Variants in PTPRN2 observed in about 807,000 individuals in gnomAD.
PTPRN2 encodes protein tyrosine phosphatase receptor type N2.
PTPRN2 carries 74 observed loss-of-function variants against 118.8 expected under a neutral mutation model. The ratio of observed to expected loss-of-function variants is 0.62; its 90% CI spans 0.52 to 0.76. The LOEUF (loss-of-function observed/expected upper bound fraction) is 0.76, where lower values mean the gene tolerates loss of function less well. Among genes scored for constraint, PTPRN2 ranks in the 30% least tolerant of loss-of-function variants. PTPRN2 has a pLI of 0.00. For missense variants in PTPRN2, 1,481 were observed against 1,394.4 expected, an observed-to-expected ratio of 1.06 and a Z score of -0.99; for synonymous variants, 641 against 608.0, an observed-to-expected ratio of 1.05 and a Z score of -0.80.
At chr7:157,957,006 G>C (rs1341592874) in intron 11 of PTPRN2, among the ~76,000 whole-genome samples, 3 of 152,224 alleles carry the variant, frequency 2.0e-5, no homozygotes, top group East Asian at 1.9e-4. Flanking sequence ...GAGTAAGAAG[G>C]AAAAGGGAAG....
rs377455509 is a variant in PTPRN2 at position 158,163,755 on chromosome 7, G to T, written c.910+3176C>A. Among the ~76,000 whole-genome samples the T allele has an allele frequency of 8.0e-5, 12 of 150,818 alleles. No homozygotes were observed. In the East Asian group the frequency reaches 1.4e-3, roughly 17 times the overall value. On this transcript the variant is annotated intron_variant, in intron 6 of 22. Transcript: ENST00000389418. ...ACCGGGTTCTCAATTCTATTTCATAGGTGACGCCTGTACGGGGTTCTCAAT... is the reference window on the plus strand; with the variant it reads ...ACCGGGTTCTCAATTCTATTTCATATGTGACGCCTGTACGGGGTTCTCAAT...
chr7:158,028,635 C>T (rs1325120784), intron 11 of PTPRN2: 1 of 152,354 alleles, frequency 6.6e-6, no homozygotes, highest in African/African-American at 2.4e-5. Flanking sequence ...CCGACGCCAC[C>T]TGGAGAAAGT....
rs778048103 is a variant in PTPRN2, at chr7:158,565,179, C to T, written c.112+22379G>A. Among the ~76,000 whole-genome samples the T allele has an allele frequency of 5.3e-5, 8 of 152,308 alleles. No homozygotes were observed. In the South Asian group the frequency reaches 1.2e-3, roughly 24 times the overall value. ...GAACATGACACAGTCCGTGCTACAT[C>T]AGATCTGAGTATCAGGATCCAGCCG... On this transcript the variant is annotated intron_variant, in intron 1 of 22. Coordinates refer to ENST00000389418, the MANE Select transcript of PTPRN2 (RefSeq NM_002847.5). The surrounding 1 kb of genome is among the most constrained non-coding windows in gnomAD (Gnocchi z 4.6).
chr7:158,572,298 G>A (rs1359501953), intron 1 of PTPRN2, among the ~76,000 whole-genome samples: 2 of 152,192 alleles, frequency 1.3e-5, no homozygotes, highest in East Asian at 3.8e-4. Context: ...CCCTCAAAAT[G>A]TTGTTTTGTT....
chr7:157,880,570 C>A lies in PTPRN2; in HGVS notation c.1788+18103G>T, dbSNP rs185158274. Among the ~76,000 whole-genome samples, 149 of 152,344 alleles carry A rather than the reference C, an allele frequency of 9.8e-4. 1 individual carries two copies. Among genetic ancestry groups the A allele is most frequent in the African/African-American group, 3.6e-3 (148 of 41,576 alleles). On this transcript the variant is annotated intron_variant, in intron 12 of 22. Coordinates refer to ENST00000389418, the MANE Select transcript of PTPRN2 (RefSeq NM_002847.5). Reference sequence around the variant, plus strand: ...AAGGGACCCGGCCCATAGGCAGATGCAGCCACGTCCTTCTCCAGCTCTGAG... The same window carrying A: ...AAGGGACCCGGCCCATAGGCAGATGAAGCCACGTCCTTCTCCAGCTCTGAG...
intron 11 of PTPRN2, among the ~76,000 whole-genome samples, chr7:158,058,471 A>G (rs865991863): frequency 0.012 from 426 of 35,874 alleles, 29 homozygotes; most frequent in Middle Eastern, 0.065. Flanking sequence ...ATCTGCACAC[A>G]GTGACGCATC....
intron 2 of PTPRN2, among the ~76,000 whole-genome samples, chr7:158,327,791 C>A (rs1278377464): frequency 6.6e-6 from 1 of 152,136 alleles, no homozygotes; most frequent in East Asian, 1.9e-4. Context: ...ATCTGTAAAT[C>A]CCGGTGCCCT....
chr7:157,664,599 C>A (rs1476746), intron 13 of PTPRN2, among the ~76,000 whole-genome samples: 2 of 151,758 alleles, frequency 1.3e-5, no homozygotes, highest in Non-Finnish European at 2.9e-5. Context: ...ACCCCATCTC[C>A]AAAAAAATAA....
intron 1 of PTPRN2, among the ~76,000 whole-genome samples, chr7:158,503,870 G>A (rs1456982823): frequency 2.0e-5 from 3 of 152,038 alleles, no homozygotes; most frequent in Non-Finnish European, 1.5e-5. Context: ...GCGTGGTGGT[G>A]TGTGCCTATA....
chr7:158,442,140 CA>C (rs1233974274), intron 2 of PTPRN2, among the ~76,000 whole-genome samples: 2 of 134,662 alleles, frequency 1.5e-5, no homozygotes. Context: ...ATGGTGGTGG[CA>C]GTGGTGGTGA....
At chr7:157,840,152 T>C (rs1434268048) in intron 12 of PTPRN2, among the ~76,000 whole-genome samples, 1 of 149,152 alleles carries the variant, frequency 6.7e-6, no homozygotes, top group East Asian at 2.0e-4. Flanking sequence ...TTACCACATG[T>C]GACTGTGTGG....
intron 17 of PTPRN2, among the ~76,000 whole-genome samples, chr7:157,586,289 C>G (rs1800670508): frequency 6.6e-6 from 1 of 152,184 alleles, no homozygotes; most frequent in South Asian, 2.1e-4. Context: ...ACGTAGCAGC[C>G]TCTGAAGTCA....
intron 12 of PTPRN2, among the ~76,000 whole-genome samples, chr7:157,839,532 T>C (rs1223479240): frequency 1.3e-5 from 2 of 151,908 alleles, no homozygotes; most frequent in Non-Finnish European, 2.9e-5. Flanking sequence ...TGTGACTTTG[T>C]ATTACTCTGT....
At chr7:158,429,242 C>T (rs1022668250) in intron 2 of PTPRN2, among the ~76,000 whole-genome samples, 4 of 152,208 alleles carry the variant, frequency 2.6e-5, no homozygotes, top group African/African-American at 9.6e-5. Flanking sequence ...CATCTGAGAC[C>T]TCTCTCCACA....
At chr7:158,287,536 C>G (rs1799844773) in intron 3 of PTPRN2, among the ~76,000 whole-genome samples, 1 of 152,058 alleles carries the variant, frequency 6.6e-6, no homozygotes, top group South Asian at 2.1e-4. Flanking sequence ...TTATTTATCT[C>G]AAGAGATCTT....
rs1824584401 is a variant in PTPRN2 at position 158,524,327 on chromosome 7, GCCCTGGAGTGGAGTCGTCTA to G, written c.113-34562_113-34543del. On this transcript the variant is annotated intron_variant, in intron 1 of 22. Transcript: ENST00000389418. ...TGGAGTCGGCCCTGGAGTGGAGTCT[GCCCTGGAGTGGAGTCGTCTA>G]CCCTGGAGTGGAGTCATCTGCCCTG... 1.6e-4 allele frequency among the ~76,000 whole-genome samples: 9 copies of G among 57,544 alleles called. 1 individual carries two copies. Among genetic ancestry groups the G allele is most frequent in the Non-Finnish European group, 3.2e-4 (9 of 28,174 alleles). 37.8% of individuals were successfully genotyped at this position (57,544 alleles called of 152,430 possible).
At position 157,973,543 on chromosome 7, in the gene PTPRN2, C is replaced by T. The variant is rs577971910; in HGVS notation, c.1724-74806G>A. 1.3e-3 allele frequency among the ~76,000 whole-genome samples: 196 copies of T among 152,204 alleles called. 1 individual carries two copies. The highest frequency in any genetic ancestry group is 4.6e-3 in the African/African-American group (192 of 41,524). ...GTCTTAGAGAAAGATGTGCATAGAG[C>T]CAAACAAGCTGTCTACATGAGACAC... On this transcript the variant is annotated intron_variant, in intron 11 of 22. Coordinates refer to ENST00000389418, the MANE Select transcript of PTPRN2 (RefSeq NM_002847.5).
At chr7:158,304,428 C>T (rs1415524432) in intron 3 of PTPRN2, among the ~76,000 whole-genome samples, 1 of 151,504 alleles carries the variant, frequency 6.6e-6, no homozygotes, top group Non-Finnish European at 1.5e-5. Flanking sequence ...TGGATTTCTA[C>T]ATGCTAGGGA....
chr7:157,562,889 C>T (rs1209145294), intron 21 of PTPRN2, among the ~76,000 whole-genome samples: 1 of 136,510 alleles, frequency 7.3e-6, no homozygotes, highest in Non-Finnish European at 1.5e-5. Context: ...AGATCAGGAC[C>T]ACGTGCTCCC....
Sources: gnomAD v4.1 joint callset for allele counts (sites outside exome capture counted in the v4.1 genomes callset) on GRCh38, gnomAD v4.1.1 for gene constraint, Gnocchi (gnomAD v3.1) non-coding constraint, MANE v1.5 for transcripts, NCBI Gene and HGNC (gene_info 2026-07-23, HGNC 2026-07-21) for gene names.